OR51B5: variants seen among roughly 807,000 people sequenced by gnomAD.
The protein encoded by OR51B5 is olfactory receptor family 51 subfamily B member 5.
For missense variants in OR51B5, 456 were observed against 374.6 expected, an observed-to-expected ratio of 1.22 and a Z score of -1.79; for synonymous variants, 186 against 144.8, an observed-to-expected ratio of 1.28 and a Z score of -2.04.
chr11:5,461,161 G>A (rs1191025138), intron 1 of OR51B5, among the ~76,000 whole-genome samples: 1 of 152,214 alleles, frequency 6.6e-6, no homozygotes, highest in Non-Finnish European at 1.5e-5. Flanking sequence ...GGGCCCTGGT[G>A]AGTGCATGCC....
At chr11:5,348,885 G>A (rs1849033746) in intron 1 of OR51B5, among the ~76,000 whole-genome samples, 1 of 151,886 alleles carries the variant, frequency 6.6e-6, no homozygotes, top group Non-Finnish European at 1.5e-5. Context: ...AAGGTAAGGG[G>A]GTAAAAAAAG....
At chr11:5,348,305 T>C (rs566636603), upstream of OR51B5, among the ~76,000 whole-genome samples, 1 of 152,238 alleles carries the variant, frequency 6.6e-6, no homozygotes, top group East Asian at 1.9e-4. Flanking sequence ...GTTGTAGTAA[T>C]TTCTCTCCAC....
At chr11:5,422,563 C>T (rs371142455) in intron 1 of OR51B5, 46 of 1,614,036 alleles carry the variant, frequency 2.9e-5, no homozygotes, top group African/African-American at 5.3e-5. Context: ...TGGCTATGTC[C>T]GTTGACTGCT....
At chr11:5,352,096 C>T (rs778314661) in intron 1 of OR51B5, 2 of 1,613,990 alleles carry the variant, frequency 1.2e-6, no homozygotes, top group African/African-American at 2.7e-5. Context: ...CCGTCTCTAT[C>T]CAGTTGTAGT....
intron 1 of OR51B5, among the ~76,000 whole-genome samples, chr11:5,472,405 G>A (rs985911836): frequency 3.3e-5 from 5 of 152,166 alleles, no homozygotes; most frequent in South Asian, 2.1e-4. Flanking sequence ...TCTGGTGGGT[G>A]GGAGGAGAGA....
intron 1 of OR51B5, among the ~76,000 whole-genome samples, chr11:5,458,711 T>C (rs1851000879): frequency 6.6e-6 from 1 of 152,220 alleles, no homozygotes; most frequent in Non-Finnish European, 1.5e-5. Context: ...TTATTCTTTT[T>C]GTAACTATTT....
At chr11:5,389,393 C>T (rs530716323) in intron 1 of OR51B5, 196 of 1,609,172 alleles carry the variant, frequency 1.2e-4, no homozygotes, top group Non-Finnish European at 1.6e-4. Flanking sequence ...GCTCAATCCC[C>T]GAGGAATGTC....
intron 1 of OR51B5, among the ~76,000 whole-genome samples, chr11:5,477,234 G>A (rs924000132): frequency 3.9e-5 from 6 of 152,176 alleles, no homozygotes; most frequent in African/African-American, 9.7e-5. Context: ...GAGTAGTGAT[G>A]GTGGGCCCTT....
intron 1 of OR51B5, chr11:5,441,580 C>A: frequency 8.2e-7 from 1 of 1,213,812 alleles, no homozygotes; most frequent in Non-Finnish European, 1.2e-6. Context: ...CACTTTCTTT[C>A]AGATATCCTG....
At chr11:5,459,046 T>A (rs1851006086) in intron 1 of OR51B5, among the ~76,000 whole-genome samples, 1 of 152,248 alleles carries the variant, frequency 6.6e-6, no homozygotes, top group South Asian at 2.1e-4. Flanking sequence ...TCAAAAGGAA[T>A]GCTTCTAGCT....
At chr11:5,424,374 A>C (rs1156254514) in intron 1 of OR51B5, among the ~76,000 whole-genome samples, 1 of 152,114 alleles carries the variant, frequency 6.6e-6, no homozygotes, top group Non-Finnish European at 1.5e-5. Flanking sequence ...CAAACAAACA[A>C]AAAAACACCT....
intron 1 of OR51B5, among the ~76,000 whole-genome samples, chr11:5,419,450 A>G (rs946327251): frequency 2.0e-5 from 3 of 151,798 alleles, no homozygotes; most frequent in African/African-American, 7.3e-5. Flanking sequence ...ATTGGAAAAA[A>G]AACTTCCATC....
chr11:5,499,583 T>A (rs1414908146), intron 1 of OR51B5, among the ~76,000 whole-genome samples: 3 of 152,198 alleles, frequency 2.0e-5, no homozygotes, highest in African/African-American at 7.2e-5. Context: ...ATTTTTTATA[T>A]TCCTCTGAAA....
exon 1 of OR51B5, chr11:5,342,946 G>T (rs755417284): frequency 1.2e-6 from 2 of 1,613,978 alleles, no homozygotes; most frequent in South Asian, 1.1e-5. Context: ...GGTACAGTCG[G>T]TTGAAGGTGG....
At chr11:5,477,582 G>A (rs1257976175) in intron 1 of OR51B5, among the ~76,000 whole-genome samples, 3 of 152,182 alleles carry the variant, frequency 2.0e-5, no homozygotes, top group Admixed American at 1.3e-4. Context: ...GGTGATTTCT[G>A]CATTTCCATC....
At chr11:5,378,004 T>G (rs1265918397) in intron 1 of OR51B5, among the ~76,000 whole-genome samples, 4 of 149,414 alleles carry the variant, frequency 2.7e-5, no homozygotes, top group Non-Finnish European at 6.0e-5. Context: ...CATTGCCAAG[T>G]CAATCCTAAG....
rs763348944 is a variant in OR51B5 at position 5,390,084 on chromosome 11, C to T, written n.85-43174G>A. 52 of 1,613,642 alleles carry T rather than the reference C, an allele frequency of 3.2e-5. No homozygotes were observed. In the Middle Eastern group the frequency reaches 6.6e-4, roughly 20 times the overall value. On this transcript the variant is annotated intron_variant and non_coding_transcript_variant, in intron 1 of 4. Coordinates refer to the OR51B5 transcript ENST00000415970. ...CTGGACCTGGTGCTCATCGCACTGT[C>T]CTATGGACTCATCCTGCACACAGTA...
intron 1 of OR51B5, among the ~76,000 whole-genome samples, chr11:5,364,916 G>A (rs1849342781): frequency 6.6e-6 from 1 of 152,056 alleles, no homozygotes; most frequent in Non-Finnish European, 1.5e-5. Context: ...TTTAATCATT[G>A]TAGCTTCTAT....
intron 1 of OR51B5, among the ~76,000 whole-genome samples, chr11:5,486,364 G>A (rs1430882262): frequency 6.6e-6 from 1 of 152,050 alleles, no homozygotes; most frequent in Non-Finnish European, 1.5e-5. Context: ...ATTTTTGTCT[G>A]ATTGTTCATT....
Sources: allele counts gnomAD v4.1 joint callset (sites outside exome capture counted in the v4.1 genomes callset), GRCh38; gene constraint gnomAD v4.1.1; transcripts MANE v1.5; gene names NCBI Gene and HGNC (gene_info 2026-07-23, HGNC 2026-07-21).